The following HDAC4 variants were observed in gnomAD, a reference collection of about 807,000 sequenced individuals.
HDAC4 encodes histone deacetylase 4.
In HDAC4, 16 loss-of-function variants were observed where a neutral mutation model predicts 135.1. The observed-to-expected ratio is 0.12, with a 90% CI of 0.08 to 0.18. The LOEUF is 0.18. HDAC4 is among the 10% of genes least tolerant of loss of function. HDAC4 has a pLI of 1.00. For missense variants in HDAC4, 1,143 were observed against 1,511.8 expected (o/e 0.76, Z 4.05); for synonymous variants, 685 against 653.4 (o/e 1.05, Z -0.74).
In HDAC4 at chr2:239,253,861, A is replaced by G. The variant is rs536568986; in HGVS notation, c.23-17197T>C. On this transcript the variant is annotated intron_variant, in intron 2 of 26. Transcript: ENST00000543185. The stretch of plus-strand genomic sequence containing the variant: ...CCAGGGAGCCAGTGGGCGGCTGCAT[A>G]TCTGGGTGGGCAGGAGAGGTGGCCA... Among the ~76,000 whole-genome samples the G allele has an allele frequency of 4.6e-5, 7 of 152,280 alleles. No individual in the cohort carries two copies. The South Asian group carries it at 1.5e-3, about 32-fold the overall frequency.
chr2:239,399,047 A>G (rs528234331), intron 1 of HDAC4, among the ~76,000 whole-genome samples: 2 of 152,390 alleles, frequency 1.3e-5, no homozygotes, highest in Non-Finnish European at 2.9e-5. Flanking sequence ...TTAAGGCATG[A>G]AAATACTTCC....
At chr2:239,194,405 C>T (rs548479102) in intron 3 of HDAC4, among the ~76,000 whole-genome samples, 21 of 152,202 alleles carry the variant, frequency 1.4e-4, no homozygotes, top group Non-Finnish European at 5.9e-5. Context: ...CAGTCAGACA[C>T]GGAACATGCT....
chr2:239,328,018 C>G (rs1266625594), intron 2 of HDAC4, among the ~76,000 whole-genome samples: 1 of 152,242 alleles, frequency 6.6e-6, no homozygotes, highest in Non-Finnish European at 1.5e-5. Context: ...ACTGCACATC[C>G]CTCCACATCT....
intron 3 of HDAC4, among the ~76,000 whole-genome samples, chr2:239,226,054 C>A (rs751791245): frequency 3.3e-5 from 5 of 152,166 alleles, no homozygotes. Flanking sequence ...GGCAAAGAGC[C>A]ATCTCCCTCG....
In HDAC4 at chr2:239,390,764, G is replaced by A. The variant is rs146380450; in HGVS notation, c.-220+10214C>T. Among the ~76,000 whole-genome samples, 185 of 152,190 alleles carry A rather than the reference G, an allele frequency of 1.2e-3. 1 individual carries two copies. The highest frequency in any genetic ancestry group is 2.2e-3 in the Non-Finnish European group (150 of 68,020). On this transcript the variant is annotated intron_variant, in intron 1 of 26. Coordinates refer to ENST00000543185, the MANE Select transcript of HDAC4 (RefSeq NM_001378414.1). ...GGAGCCGCCACATGCCTGGAGCCCC[G>A]AGCCTGGACCTGAGCACCCAGCCAC...
chr2:239,103,607 C>T (rs2037854656), intron 15 of HDAC4, among the ~76,000 whole-genome samples: 1 of 152,232 alleles, frequency 6.6e-6, no homozygotes, highest in Non-Finnish European at 1.5e-5. Context: ...GAGTCAGACG[C>T]CACTCAGGTG....
intron 5 of HDAC4, among the ~76,000 whole-genome samples, chr2:239,166,369 C>T (rs1461131656): frequency 2.0e-5 from 3 of 152,272 alleles, no homozygotes; most frequent in Middle Eastern, 3.4e-3. Flanking sequence ...CTCTGTCGGT[C>T]TGAGAAAATC....
chr2:239,127,623 C>A (rs2040285016), intron 11 of HDAC4, among the ~76,000 whole-genome samples: 1 of 152,180 alleles, frequency 6.6e-6, no homozygotes. Flanking sequence ...TGACCCTGAC[C>A]CGCTCAAGGG....
chr2:239,393,487 C>G (rs1039468767), intron 1 of HDAC4, among the ~76,000 whole-genome samples: 1 of 152,212 alleles, frequency 6.6e-6, no homozygotes, highest in African/African-American at 2.4e-5. Context: ...ATCACTGGCT[C>G]ACGCACTCTG....
At chr2:239,237,669 G>A (rs1178883940) in intron 2 of HDAC4, among the ~76,000 whole-genome samples, 1 of 151,778 alleles carries the variant, frequency 6.6e-6, no homozygotes, top group African/African-American at 2.4e-5. Context: ...CAATATTCAA[G>A]AACGGAAACA....
At chr2:239,268,020 G>A (rs2125191885) in intron 2 of HDAC4, among the ~76,000 whole-genome samples, 1 of 152,342 alleles carries the variant, frequency 6.6e-6, no homozygotes, top group South Asian at 2.1e-4. Context: ...GCATAAATCT[G>A]AATTTCTCTA....
intron 3 of HDAC4, among the ~76,000 whole-genome samples, chr2:239,214,107 C>T (rs1421544534): frequency 6.6e-6 from 1 of 152,208 alleles, no homozygotes; most frequent in Non-Finnish European, 1.5e-5. Context: ...TATTATCTTA[C>T]AGTTCCGGAG....
At chr2:239,258,167 T>C (rs2049151273) in intron 2 of HDAC4, among the ~76,000 whole-genome samples, 1 of 152,114 alleles carries the variant, frequency 6.6e-6, no homozygotes. Context: ...TTTAACAGAT[T>C]AGACACAGCT....
chr2:239,220,627 T>C (rs1292730788), intron 3 of HDAC4, among the ~76,000 whole-genome samples: 1 of 152,088 alleles, frequency 6.6e-6, no homozygotes. Context: ...CACACAGAGT[T>C]AGCGAGAGGA....
chr2:239,072,248 C>A (rs1224365497), intron 22 of HDAC4, among the ~76,000 whole-genome samples: 1 of 152,278 alleles, frequency 6.6e-6, no homozygotes, highest in East Asian at 1.9e-4. Context: ...CACGTTAGTG[C>A]GAATTTATTT....
chr2:239,259,801 C>A (rs1373607690), intron 2 of HDAC4, among the ~76,000 whole-genome samples: 1 of 152,214 alleles, frequency 6.6e-6, no homozygotes, highest in Non-Finnish European at 1.5e-5. Context: ...TTCTTCTCAG[C>A]CCAGAGCCTG....
In HDAC4 at chr2:239,084,161, C is replaced by T; in HGVS notation, c.2526G>A (p.Val842=). The T allele has an allele frequency of 1.2e-6, 2 of 1,612,662 alleles. No homozygotes were observed. Among genetic ancestry groups the T allele is most frequent in the Non-Finnish European group, 1.7e-6 (2 of 1,179,032 alleles). ...CCAAGGCGGCTCTGCTTACCCAGTC[C>T]ACGATGAGGATCTTGCTCACGCTCA... ...QRLSVSKILI[V]DWDVHHGNGT... Residue 842 remains valine (V), a synonymous_variant, in exon 20 of 27, where the codon GTG becomes GTA. Transcript: ENST00000543185.
At chr2:239,149,032 A>T (rs557009449) in intron 7 of HDAC4, among the ~76,000 whole-genome samples, 1 of 152,364 alleles carries the variant, frequency 6.6e-6, no homozygotes, top group Non-Finnish European at 1.5e-5. Context: ...ACAGGCAGTC[A>T]GGGACGGCCG....
In HDAC4 at chr2:239,389,868, G is replaced by A. The variant is rs899719128; in HGVS notation, c.-220+11110C>T. On this transcript the variant is annotated intron_variant, in intron 1 of 26. Coordinates refer to ENST00000543185, the MANE Select transcript of HDAC4 (RefSeq NM_001378414.1). ...CAGCACCCAGGCTGAGCCACTCGGT[G>A]CGCTCTGCACCCCGGTCACAGTGAC... 2.0e-5 allele frequency among the ~76,000 whole-genome samples: 3 copies of A among 152,208 alleles called. No individual in the cohort carries two copies. In the East Asian group the frequency reaches 5.8e-4, roughly 29 times the overall value.
Sources: allele counts gnomAD v4.1 joint callset (sites outside exome capture counted in the v4.1 genomes callset), GRCh38; gene constraint gnomAD v4.1.1; transcripts MANE v1.5; gene names NCBI Gene and HGNC (gene_info 2026-07-23, HGNC 2026-07-21).